Variants in COL10A1 observed in about 807,000 individuals in gnomAD.
COL10A1 encodes the protein collagen type X alpha 1 chain.
In COL10A1, 10 loss-of-function variants were observed where a neutral mutation model predicts 18.2. The observed-to-expected ratio is 0.55, with a 90% CI of 0.34 to 0.93. The LOEUF (loss-of-function observed/expected upper bound fraction) is 0.93. Among genes scored for constraint, COL10A1 ranks in the 40% least tolerant of loss-of-function variants. The pLI, the probability that COL10A1 is intolerant of heterozygous loss-of-function variation, is 0.02. For missense variants in COL10A1, 897 were observed against 853.5 expected (o/e 1.05, Z -0.64); for synonymous variants, 330 against 316.6 (o/e 1.04, Z -0.45).
intron 1 of COL10A1, among the ~76,000 whole-genome samples, chr6:116,133,562 C>A (rs1779519252): frequency 6.6e-6 from 1 of 152,086 alleles, no homozygotes; most frequent in Non-Finnish European, 1.5e-5. Flanking sequence ...ACACAGACCA[C>A]CAAGAAACCC....
At chr6:116,209,559 G>A in the COL10A1 span, among the ~76,000 whole-genome samples, 2 of 151,994 alleles carry the variant, frequency 1.3e-5, no homozygotes, top group Non-Finnish European at 2.9e-5. Flanking sequence ...TGTGCAGAGT[G>A]GGTATTGGGG....
the COL10A1 span, among the ~76,000 whole-genome samples, chr6:116,197,924 C>T: frequency 2.0e-5 from 3 of 152,052 alleles, no homozygotes; most frequent in African/African-American, 7.2e-5. Flanking sequence ...CAAATAGCTT[C>T]ACCCCAGATA....
the COL10A1 span, among the ~76,000 whole-genome samples, chr6:116,209,038 G>C: frequency 0.43 from 64,650 of 151,818 alleles, 17,726 homozygotes; most frequent in African/African-American, 0.78. Flanking sequence ...GACTGCATAG[G>C]CTTTAAACAA....
intron 1 of COL10A1, among the ~76,000 whole-genome samples, chr6:116,156,402 G>T (rs1340485989): frequency 6.6e-6 from 1 of 152,094 alleles, no homozygotes; most frequent in African/African-American, 2.4e-5. Flanking sequence ...GCACTTTGAG[G>T]TTGAAAAAAA....
chr6:116,182,737 G>GT, the COL10A1 span, among the ~76,000 whole-genome samples: 13 of 151,462 alleles, frequency 8.6e-5, no homozygotes, highest in African/African-American at 2.9e-4. Flanking sequence ...GTGATTGTTT[G>GT]TTTTTTTCTT....
chr6:116,134,274 T>G (rs1236219455), intron 1 of COL10A1, among the ~76,000 whole-genome samples: 1 of 152,228 alleles, frequency 6.6e-6, no homozygotes, highest in Non-Finnish European at 1.5e-5. Context: ...TCTAGGAATC[T>G]GGAGCAGGAG....
At chr6:116,198,784 C>T in the COL10A1 span, among the ~76,000 whole-genome samples, 2 of 151,870 alleles carry the variant, frequency 1.3e-5, no homozygotes, top group African/African-American at 4.8e-5. Context: ...GATTTGAGAG[C>T]CATGTTTCTT....
the COL10A1 span, among the ~76,000 whole-genome samples, chr6:116,199,779 TG>T: frequency 6.6e-6 from 1 of 152,014 alleles, no homozygotes; most frequent in Non-Finnish European, 1.5e-5. Context: ...TAAAGTAGTA[TG>T]GAATTATAAC....
chr6:116,163,729 C>A (rs548401436), upstream of COL10A1, among the ~76,000 whole-genome samples: 5 of 152,074 alleles, frequency 3.3e-5, no homozygotes, highest in South Asian at 1.0e-3. Context: ...TGAGATCTAT[C>A]TTTTTGATTT....
In COL10A1 at chr6:116,122,077, A is replaced by G. The variant is rs1320034784; in HGVS notation, c.155-116T>C. ...ACGATATTTCAGCATCATTTATTCCATGTAGACAGAACAGTCTGAAATGGT... is the reference window on the plus strand; with the variant it reads ...ACGATATTTCAGCATCATTTATTCCGTGTAGACAGAACAGTCTGAAATGGT... On this transcript the variant is annotated intron_variant, in intron 2 of 2. Transcript: ENST00000651968. The G allele has an allele frequency of 3.2e-6, 3 of 927,062 alleles. No homozygotes were observed. In the African/African-American group the frequency reaches 4.8e-5, roughly 15 times the overall value. 57.4% of individuals were successfully genotyped at this position (927,062 alleles called of 1,614,324 possible).
chr6:116,203,206 T>C, the COL10A1 span, among the ~76,000 whole-genome samples: 3 of 152,098 alleles, frequency 2.0e-5, no homozygotes, highest in East Asian at 5.8e-4. Context: ...TTAATGTGAG[T>C]CTTTCATTTC....
At chr6:116,212,428 A>G in the COL10A1 span, among the ~76,000 whole-genome samples, 2 of 152,268 alleles carry the variant, frequency 1.3e-5, no homozygotes, top group South Asian at 2.1e-4. Context: ...CTGTCTGGAC[A>G]TTGAACAAGT....
At chr6:116,191,036 G>A in the COL10A1 span, among the ~76,000 whole-genome samples, 1 of 151,974 alleles carries the variant, frequency 6.6e-6, no homozygotes, top group Non-Finnish European at 1.5e-5. Context: ...CTTCCCCGAA[G>A]TTGCACAGTG....
At chr6:116,164,825 A>T in the COL10A1 span, among the ~76,000 whole-genome samples, 1 of 152,144 alleles carries the variant, frequency 6.6e-6, no homozygotes, top group African/African-American at 2.4e-5. Context: ...AGCTTAGTTT[A>T]AAAAGATACA....
In COL10A1 at chr6:116,125,355, G is replaced by A. The variant is rs990852794; in HGVS notation, c.138C>T (p.Tyr46=). 2.5e-6 allele frequency: 4 copies of A among 1,613,728 alleles called. No individual in the cohort carries two copies. The highest frequency in any genetic ancestry group is 2.7e-5 in the African/African-American group (2 of 75,018). The part of the protein sequence containing the change: ...PNTKTQFFIP[Y]TIKSKGIAVR... ...TCAATTTACCTTTACTCTTTATGGT[G>A]TAGGGAATGAAGAACTGTGTCTTGG... is the stretch of plus-strand genomic sequence containing the variant. The change falls in exon 2 of 3, where the codon TAC becomes TAT. Residue 46 remains tyrosine (Y), a synonymous_variant. Transcript: ENST00000651968.
the COL10A1 span, among the ~76,000 whole-genome samples, chr6:116,176,931 G>C: frequency 6.6e-6 from 1 of 152,146 alleles, no homozygotes; most frequent in East Asian, 1.9e-4. Flanking sequence ...TTTGCCCCGT[G>C]TAATTTTAGA....
chr6:116,130,492 G>A (rs569446682), upstream of COL10A1, among the ~76,000 whole-genome samples: 34 of 151,120 alleles, frequency 2.2e-4, no homozygotes, highest in African/African-American at 6.3e-4. Context: ...TGTACCTTTC[G>A]TGGCCCAGAT....
the COL10A1 span, among the ~76,000 whole-genome samples, chr6:116,191,154 T>C: frequency 1.3e-5 from 2 of 152,010 alleles, no homozygotes; most frequent in Non-Finnish European, 2.9e-5. Flanking sequence ...TCTACTCATG[T>C]AACCTTATTC....
At chr6:116,188,273 T>C in the COL10A1 span, among the ~76,000 whole-genome samples, 1 of 151,990 alleles carries the variant, frequency 6.6e-6, no homozygotes, top group Non-Finnish European at 1.5e-5. Flanking sequence ...GTTTTGAAAA[T>C]TGTTGAGTAT....
Sources: gnomAD v4.1 joint callset for allele counts (sites outside exome capture counted in the v4.1 genomes callset) on GRCh38, gnomAD v4.1.1 for gene constraint, MANE v1.5 for transcripts, NCBI Gene and HGNC (gene_info 2026-07-23, HGNC 2026-07-21) for gene names.